TMEM123: variants seen among roughly 807,000 people sequenced by gnomAD.
TMEM123 encodes the protein porimin.
A neutral mutation model predicts 19.7 loss-of-function variants in TMEM123; 16 were observed. That is an observed-to-expected ratio of 0.81 (90% confidence interval 0.55 to 1.23). The LOEUF is 1.23. Among genes scored for constraint, TMEM123 ranks in the 50% most tolerant of loss-of-function variants. The probability of loss-of-function intolerance (pLI) is 0.00; values close to 1 mark genes in which losing one functional copy is unlikely to be tolerated. For synonymous variants in TMEM123, 118 were observed against 99.4 expected (o/e 1.19, Z -1.12); for missense variants, 313 against 257.8 (o/e 1.21, Z -1.47).
At position 102,450,293 on chromosome 11, in the gene TMEM123, C is replaced by T. The variant is rs111809869; in HGVS notation, c.101-1425G>A. Among the ~76,000 whole-genome samples, 203 of 152,318 alleles carry T rather than the reference C, an allele frequency of 1.3e-3. 1 individual carries two copies. The highest frequency in any genetic ancestry group is 4.5e-3 in the African/African-American group (189 of 41,572). On this transcript the variant is annotated intron_variant, in intron 1 of 4. Transcript: ENST00000398136. ...CAGCCATTTTCAAGCCACCTCAATCCTTGCACTTTTCAGTTACAAGTCAAA... is the reference window on the plus strand; with the variant it reads ...CAGCCATTTTCAAGCCACCTCAATCTTTGCACTTTTCAGTTACAAGTCAAA...
chr11:102,415,688 A>G (rs1367859767), intron 2 of TMEM123, among the ~76,000 whole-genome samples: 2 of 152,224 alleles, frequency 1.3e-5, no homozygotes, highest in Non-Finnish European at 2.9e-5. Context: ...GTTAAGAGGA[A>G]AGTTTACAGC....
intron 3 of TMEM123, 57 bp from the exon 4 acceptor site, chr11:102,401,749 G>GTAAT: frequency 6.7e-7 from 1 of 1,489,820 alleles, no homozygotes; most frequent in South Asian, 1.4e-5. Flanking sequence ...TTTTAACATT[G>GTAAT]TAATTAAAGC....
intron 2 of TMEM123, among the ~76,000 whole-genome samples, chr11:102,440,673 T>A (rs1296330541): frequency 6.6e-6 from 1 of 152,178 alleles, no homozygotes; most frequent in Non-Finnish European, 1.5e-5. Flanking sequence ...AACATCATAA[T>A]GACAGGATCA....
chr11:102,440,941 CAAA>C (rs996701101), intron 2 of TMEM123, among the ~76,000 whole-genome samples: 7 of 152,106 alleles, frequency 4.6e-5, no homozygotes, highest in African/African-American at 1.7e-4. Flanking sequence ...TCAAAAGAGA[CAAA>C]GAAGGCCATT....
At position 102,452,638 on chromosome 11, in the gene TMEM123, G is replaced by A; in HGVS notation, c.-15C>T. 1.3e-6 allele frequency: 2 copies of A among 1,502,784 alleles called. No homozygotes were observed. Among genetic ancestry groups the A allele is most frequent in the South Asian group, 1.2e-5 (1 of 80,128 alleles). 93.1% of individuals were successfully genotyped at this position (1,502,784 alleles called of 1,614,324 possible). On this transcript the variant is annotated 5_prime_UTR_variant, in exon 1 of 5. Transcript: ENST00000398136. ...CCGAGTCCCATTGTTCCGAGGGCAGGATGCGGCAGCCTCGTGGGCTCCCAG... is the reference window on the plus strand; with the variant it reads ...CCGAGTCCCATTGTTCCGAGGGCAGAATGCGGCAGCCTCGTGGGCTCCCAG...
chr11:102,413,263 T>C (rs1410619625), intron 2 of TMEM123, among the ~76,000 whole-genome samples: 1 of 152,224 alleles, frequency 6.6e-6, no homozygotes, highest in Non-Finnish European at 1.5e-5. Context: ...TTAAGGTATG[T>C]GTTAATCCAC....
In TMEM123 at chr11:102,434,952, A is replaced by T. The variant is rs943678463; in HGVS notation, c.157+13860T>A. Among the ~76,000 whole-genome samples, 15 of 151,960 alleles carry T rather than the reference A, an allele frequency of 9.9e-5. 1 individual carries two copies. The highest frequency in any genetic ancestry group is 3.9e-4 in the Admixed American group (6 of 15,232). Reference sequence around the variant, plus strand: ...CTCTCTTAACAATTTTCAAGTATACAACATATTGTGAGCTATAGTCACCAC... The same window carrying T: ...CTCTCTTAACAATTTTCAAGTATACTACATATTGTGAGCTATAGTCACCAC... On this transcript the variant is annotated intron_variant, in intron 2 of 4. Transcript: ENST00000398136.
At chr11:102,443,896 A>G (rs975025874) in intron 2 of TMEM123, among the ~76,000 whole-genome samples, 5 of 152,360 alleles carry the variant, frequency 3.3e-5, no homozygotes, top group African/African-American at 9.6e-5. Context: ...AAGGATATGA[A>G]CAGACACTTC....
intron 2 of TMEM123, among the ~76,000 whole-genome samples, chr11:102,438,914 T>C (rs535365651): frequency 5.5e-4 from 84 of 152,284 alleles, no homozygotes; most frequent in African/African-American, 1.9e-3. Context: ...CCAATGGTCT[T>C]AGCAAATGGC....
At chr11:102,410,728 T>C (rs917723152) in intron 2 of TMEM123, among the ~76,000 whole-genome samples, 1 of 152,004 alleles carries the variant, frequency 6.6e-6, no homozygotes, top group African/African-American at 2.4e-5. Context: ...TAGTACCTTC[T>C]CTGTACCGAG....
intron 2 of TMEM123, among the ~76,000 whole-genome samples, chr11:102,434,383 A>G (rs1204644665): frequency 6.6e-6 from 1 of 151,820 alleles, no homozygotes; most frequent in Non-Finnish European, 1.5e-5. Flanking sequence ...GGCTATCTGT[A>G]TGTCTTCTTT....
At chr11:102,433,557 G>A (rs1311075593) in intron 2 of TMEM123, among the ~76,000 whole-genome samples, 1 of 151,964 alleles carries the variant, frequency 6.6e-6, no homozygotes, top group East Asian at 1.9e-4. Flanking sequence ...TATCTCAGTT[G>A]AGATTTTGGA....
intron 2 of TMEM123, among the ~76,000 whole-genome samples, chr11:102,430,339 G>A (rs1438022352): frequency 3.3e-5 from 5 of 152,174 alleles, no homozygotes; most frequent in Non-Finnish European, 5.9e-5. Flanking sequence ...CTGGGAAGGT[G>A]GTGGTGAGTA....
At chr11:102,436,592 A>C (rs2135860548) in intron 2 of TMEM123, among the ~76,000 whole-genome samples, 1 of 152,136 alleles carries the variant, frequency 6.6e-6, no homozygotes, top group Admixed American at 6.6e-5. Flanking sequence ...ATGAAGAGCC[A>C]TGCAGTTAAC....
In TMEM123 at chr11:102,411,995, C is replaced by T. The variant is rs1952009446; in HGVS notation, c.158-9789G>A. Reference sequence around the variant, plus strand: ...GAGGAAGATCTATCTACCACCTATCCCCTAGCAGGCAGTTCATTTTTATTT... The same window carrying T: ...GAGGAAGATCTATCTACCACCTATCTCCTAGCAGGCAGTTCATTTTTATTT... On this transcript the variant is annotated intron_variant, in intron 2 of 4. Transcript: ENST00000398136. Among the ~76,000 whole-genome samples the T allele has an allele frequency of 3.9e-5, 6 of 152,148 alleles. 1 individual carries two copies. Among genetic ancestry groups the T allele is most frequent in the Admixed American group, 3.3e-4 (5 of 15,288 alleles).
At position 102,402,014 on chromosome 11, in the gene TMEM123, T is replaced by G. The variant is rs1240386923; in HGVS notation, c.350A>C (p.Lys117Thr). Reference sequence around the variant, plus strand: ...TGTGTTCTGTGAAACACTTGTTGTTTTGGGTGTAGACTTTAAGGTGGTAGA... The same window carrying G: ...TGTGTTCTGTGAAACACTTGTTGTTGTGGGTGTAGACTTTAAGGTGGTAGA... ...MTSTTLKSTPKTTSVSQNTSQ... is the reference protein window; with the variant it reads ...MTSTTLKSTPTTTSVSQNTSQ... The change falls in exon 3 of 5, where the codon AAA becomes ACA. Residue 117 changes from lysine (K) to threonine (T), a missense_variant. Lys to Thr is a moderately conservative substitution (Grantham distance 78). Transcript: ENST00000398136. 1 of 1,614,072 alleles carries G rather than the reference T, an allele frequency of 6.2e-7. No homozygotes were observed. The highest frequency in any genetic ancestry group is 1.3e-5 in the African/African-American group (1 of 74,932).
intron 2 of TMEM123, among the ~76,000 whole-genome samples, chr11:102,442,315 G>A (rs532117204): frequency 5.9e-4 from 90 of 152,232 alleles, no homozygotes; most frequent in African/African-American, 1.9e-3. Context: ...CTGGCAAACC[G>A]AATCCAGCAG....
chr11:102,427,532 G>A (rs1382354733), intron 2 of TMEM123, among the ~76,000 whole-genome samples: 1 of 145,350 alleles, frequency 6.9e-6, no homozygotes, highest in Non-Finnish European at 1.5e-5. Context: ...CACTGCAACA[G>A]GGAGGCTATA....
chr11:102,417,720 C>T (rs1033001791), intron 2 of TMEM123, among the ~76,000 whole-genome samples: 1 of 152,176 alleles, frequency 6.6e-6, no homozygotes, highest in Non-Finnish European at 1.5e-5. Flanking sequence ...CTAGAGTCAT[C>T]ATGCTACCTG....
Sources: gnomAD v4.1 joint callset for allele counts (sites outside exome capture counted in the v4.1 genomes callset) on GRCh38, gnomAD v4.1.1 for gene constraint, MANE v1.5 for transcripts, NCBI Gene and HGNC (gene_info 2026-07-23, HGNC 2026-07-21) for gene names.